Variants in CATSPERT observed in about 807,000 individuals in gnomAD.
The protein encoded by CATSPERT is catsper channel auxiliary subunit tau.
At chr2:201,491,285 T>A in the CATSPERT span, 1 of 1,537,880 alleles carries the variant, frequency 6.5e-7, no homozygotes, top group Non-Finnish European at 8.7e-7. Context: ...TTAAATGACT[T>A]TTTTGGTTGG....
the CATSPERT span, among the ~76,000 whole-genome samples, chr2:201,575,050 A>AG: frequency 1.1e-3 from 118 of 104,612 alleles, no homozygotes; most frequent in East Asian, 6.9e-3. Flanking sequence ...AAAAAAAAAA[A>AG]AAGAAGAAGA....
chr2:201,608,498 C>G, the CATSPERT span, among the ~76,000 whole-genome samples: 1 of 152,130 alleles, frequency 6.6e-6, no homozygotes, highest in Non-Finnish European at 1.5e-5. Context: ...TTCCCCACTT[C>G]TCACTACTGC....
chr2:201,581,477 AATAT>A, the CATSPERT span, among the ~76,000 whole-genome samples: 89 of 14,842 alleles, frequency 6.0e-3, no homozygotes, highest in African/African-American at 0.011. Flanking sequence ...CACATTCCGG[AATAT>A]ATATATATAT....
At chr2:201,565,348 T>C in the CATSPERT span, among the ~76,000 whole-genome samples, 1 of 150,700 alleles carries the variant, frequency 6.6e-6, no homozygotes, top group Non-Finnish European at 1.5e-5. Flanking sequence ...GTGTGATGTG[T>C]CTGTAGTCCC....
the CATSPERT span, among the ~76,000 whole-genome samples, chr2:201,544,422 A>G: frequency 6.6e-6 from 1 of 152,168 alleles, no homozygotes; most frequent in African/African-American, 2.4e-5. Context: ...AATTTAAGAG[A>G]TTTTTAAAAG....
chr2:201,530,882 G>A, the CATSPERT span, among the ~76,000 whole-genome samples: 5 of 151,886 alleles, frequency 3.3e-5, no homozygotes, highest in African/African-American at 1.2e-4. Context: ...CATACAGTGC[G>A]GCCCAGGAGT....
At chr2:201,576,138 T>C in the CATSPERT span, among the ~76,000 whole-genome samples, 2 of 152,212 alleles carry the variant, frequency 1.3e-5, no homozygotes, top group African/African-American at 2.4e-5. Flanking sequence ...CACATTGTTT[T>C]TGAGGGTGTA....
chr2:201,492,678 A>G, the CATSPERT span: 2 of 1,533,928 alleles, frequency 1.3e-6, no homozygotes, highest in East Asian at 2.5e-5. Flanking sequence ...CCAAATGTTT[A>G]TCTATGAAAT....
the CATSPERT span, among the ~76,000 whole-genome samples, chr2:201,525,613 A>G: frequency 1.3e-5 from 2 of 152,166 alleles, no homozygotes; most frequent in Admixed American, 1.3e-4. Context: ...AGAAATAACC[A>G]AAATCAGAGC....
chr2:201,601,273 A>AGTGTGTGTGTGTGT, the CATSPERT span, among the ~76,000 whole-genome samples: 1 of 41,806 alleles, frequency 2.4e-5, no homozygotes, highest in African/African-American at 5.8e-5. Context: ...TAAGGATGAT[A>AGTGTGTGTGTGTGT]GTGTGTGTGT....
chr2:201,501,227 C>T, the CATSPERT span, among the ~76,000 whole-genome samples: 5 of 151,304 alleles, frequency 3.3e-5, 1 homozygote, highest in African/African-American at 7.3e-5. Flanking sequence ...GGAGAAACCC[C>T]GTCTCTACTA....
chr2:201,504,425 A>G, the CATSPERT span, among the ~76,000 whole-genome samples: 1 of 152,312 alleles, frequency 6.6e-6, no homozygotes, highest in East Asian at 1.9e-4. Flanking sequence ...ATTCTATACC[A>G]TGCCCAAATA....
the CATSPERT span, among the ~76,000 whole-genome samples, chr2:201,577,052 T>C: frequency 6.6e-6 from 1 of 152,190 alleles, no homozygotes; most frequent in African/African-American, 2.4e-5. Context: ...AACTCCATAC[T>C]TGGCCTATGT....
At chr2:201,597,553 G>A in the CATSPERT span, among the ~76,000 whole-genome samples, 1 of 151,860 alleles carries the variant, frequency 6.6e-6, no homozygotes, top group Non-Finnish European at 1.5e-5. Flanking sequence ...TCTCTGCTTG[G>A]GTTTCTCTCT....
the CATSPERT span, chr2:201,491,875 T>C: frequency 1.3e-6 from 2 of 1,536,972 alleles, no homozygotes; most frequent in Admixed American, 2.0e-5. Flanking sequence ...ATTTTCTGCT[T>C]GAGGAAGCTG....
the CATSPERT span, among the ~76,000 whole-genome samples, chr2:201,595,881 G>A: frequency 0.88 from 131,139 of 148,730 alleles, 58,646 homozygotes; most frequent in South Asian, 0.98. Context: ...TCTCACACCA[G>A]TCAGAATGGC....
the CATSPERT span, among the ~76,000 whole-genome samples, chr2:201,564,538 A>G: frequency 6.6e-6 from 1 of 152,184 alleles, no homozygotes; most frequent in Non-Finnish European, 1.5e-5. Flanking sequence ...AAGTGTACAT[A>G]CCCCAAAATT....
chr2:201,494,083 T>C, the CATSPERT span: 1 of 1,535,222 alleles, frequency 6.5e-7, no homozygotes. Flanking sequence ...AGGAATATTT[T>C]TAATTATTTG....
the CATSPERT span, among the ~76,000 whole-genome samples, chr2:201,527,767 T>A: frequency 6.6e-6 from 1 of 152,038 alleles, no homozygotes; most frequent in African/African-American, 2.4e-5. Flanking sequence ...TCAAGTTAGA[T>A]TAAAGACTTA....
Sources: gnomAD v4.1 joint callset for allele counts (sites outside exome capture counted in the v4.1 genomes callset) on GRCh38, gnomAD v4.1.1 for gene constraint, MANE v1.5 for transcripts, NCBI Gene and HGNC (gene_info 2026-07-23, HGNC 2026-07-21) for gene names.